DLG2: variants seen among roughly 807,000 people sequenced by gnomAD.
The protein encoded by DLG2 is disks large homolog 2.
In DLG2, 45 loss-of-function variants were observed where a neutral mutation model predicts 132.5. The observed-to-expected ratio is 0.34, with a 90% CI of 0.27 to 0.44. DLG2 has a LOEUF of 0.44. DLG2 is among the 20% of genes least tolerant of loss of function. The probability of loss-of-function intolerance (pLI) is 1.00; values close to 1 mark genes in which losing one functional copy is unlikely to be tolerated. For synonymous variants in DLG2, 424 were observed against 419.6 expected (o/e 1.01, Z -0.13); for missense variants, 1,045 against 1,196.9 (o/e 0.87, Z 1.87).
At chr11:84,128,832 G>GA (rs2094296019) in intron 9 of DLG2, among the ~76,000 whole-genome samples, 1 of 152,028 alleles carries the variant, frequency 6.6e-6, no homozygotes, top group South Asian at 2.1e-4. Context: ...CATTTAAGTT[G>GA]AAAAAACGTG....
chr11:84,185,397 C>T (rs1490534488), intron 8 of DLG2, among the ~76,000 whole-genome samples: 2 of 152,076 alleles, frequency 1.3e-5, no homozygotes, highest in Non-Finnish European at 2.9e-5. Context: ...TATAAGAATG[C>T]TTGTGATTTT....
At chr11:84,195,610 C>T (rs1296992126) in intron 8 of DLG2, among the ~76,000 whole-genome samples, 2 of 152,184 alleles carry the variant, frequency 1.3e-5, no homozygotes, top group Non-Finnish European at 2.9e-5. Flanking sequence ...TATATTAGTT[C>T]CTCAACAATT....
intron 17 of DLG2, among the ~76,000 whole-genome samples, chr11:83,822,184 A>T (rs1048591590): frequency 4.6e-5 from 7 of 152,158 alleles, no homozygotes; most frequent in African/African-American, 9.7e-5. Context: ...GATAATAGTA[A>T]TCAAACCATT....
chr11:83,779,471 G>C (rs1418780979), intron 18 of DLG2, among the ~76,000 whole-genome samples: 1 of 152,034 alleles, frequency 6.6e-6, no homozygotes, highest in Non-Finnish European at 1.5e-5. Context: ...CGAGAAAGTG[G>C]TGAGGCTCCC....
At chr11:84,379,198 A>C (rs1398995915) in intron 7 of DLG2, among the ~76,000 whole-genome samples, 3 of 152,130 alleles carry the variant, frequency 2.0e-5, no homozygotes, top group African/African-American at 7.2e-5. Flanking sequence ...GAGAATCAGC[A>C]AAAGAAAATA....
chr11:84,296,311 T>C (rs1457016882), intron 7 of DLG2, among the ~76,000 whole-genome samples: 1 of 152,194 alleles, frequency 6.6e-6, no homozygotes, highest in African/African-American at 2.4e-5. Flanking sequence ...TTTTGTTACT[T>C]GAAACTTAAT....
At chr11:84,043,801 C>T (rs890950767) in intron 11 of DLG2, among the ~76,000 whole-genome samples, 1 of 151,654 alleles carries the variant, frequency 6.6e-6, no homozygotes, top group African/African-American at 2.4e-5. Flanking sequence ...GTAACATATT[C>T]ATAAGTTCTG....
chr11:84,271,259 A>G (rs1214329378), intron 7 of DLG2, among the ~76,000 whole-genome samples: 1 of 152,208 alleles, frequency 6.6e-6, no homozygotes, highest in Non-Finnish European at 1.5e-5. Flanking sequence ...TTCTGAAAAG[A>G]TTTAGAGCAG....
intron 6 of DLG2, among the ~76,000 whole-genome samples, chr11:84,577,036 A>C (rs1265614369): frequency 6.6e-6 from 1 of 152,094 alleles, no homozygotes; most frequent in Non-Finnish European, 1.5e-5. Flanking sequence ...ATAGTGAGTA[A>C]AGTCTCAAGA....
intron 6 of DLG2, among the ~76,000 whole-genome samples, chr11:85,025,524 A>C (rs1259711793): frequency 6.6e-6 from 1 of 152,236 alleles, no homozygotes; most frequent in African/African-American, 2.4e-5. Flanking sequence ...GAAAGACACA[A>C]AAGATGTCAG....
chr11:85,585,921 T>C (rs2078938330), intron 3 of DLG2, among the ~76,000 whole-genome samples: 1 of 152,160 alleles, frequency 6.6e-6, no homozygotes, highest in Non-Finnish European at 1.5e-5. Context: ...GGTTTTGCCA[T>C]GTTGGCCAGG....
At chr11:84,538,331 T>C (rs534084641) in intron 6 of DLG2, among the ~76,000 whole-genome samples, 185 of 152,310 alleles carry the variant, frequency 1.2e-3, no homozygotes, top group African/African-American at 4.3e-3. Context: ...TGCTATTGTG[T>C]CCCCATCCAA....
intron 11 of DLG2, among the ~76,000 whole-genome samples, chr11:83,996,641 A>T (rs2094041812): frequency 6.6e-6 from 1 of 152,186 alleles, no homozygotes; most frequent in South Asian, 2.1e-4. Flanking sequence ...CAGCCACAAA[A>T]AGAATGAGAT....
In DLG2 at chr11:83,494,894, C is replaced by A. The variant is rs138599861; in HGVS notation, c.2194-10666G>T. ...TGAGATAGGCCACATGCAGCTAAAC[C>A]ACATGAAGAACTAGAATAGAAGATT... On this transcript the variant is annotated intron_variant, in intron 21 of 27. Transcript: ENST00000376104. Among the ~76,000 whole-genome samples the A allele has an allele frequency of 2.0e-3, 303 of 152,224 alleles. 2 individuals carry two copies. The highest frequency in any genetic ancestry group is 6.8e-3 in the African/African-American group (281 of 41,526).
At chr11:84,741,307 G>C (rs2064628613) in intron 6 of DLG2, among the ~76,000 whole-genome samples, 1 of 151,798 alleles carries the variant, frequency 6.6e-6, no homozygotes, top group Non-Finnish European at 1.5e-5. Context: ...GCCCGCCTCG[G>C]CCTCCCAAAG....
At chr11:83,469,498 A>G in intron 24 of DLG2, 125 bp from the exon 25 acceptor site, 3 of 693,680 alleles carry the variant, frequency 4.3e-6, no homozygotes, top group Non-Finnish European at 4.7e-6. Context: ...GAAATATGAC[A>G]TAGTAACAGG....
At chr11:84,510,341 C>T (rs116047623) in intron 7 of DLG2, among the ~76,000 whole-genome samples, 1,541 of 152,054 alleles carry the variant, frequency 0.01, 25 homozygotes, top group African/African-American at 0.036. Flanking sequence ...ATCATATTCA[C>T]CACATTTTAT....
chr11:84,493,316 T>G (rs2099170084), intron 7 of DLG2, among the ~76,000 whole-genome samples: 1 of 152,144 alleles, frequency 6.6e-6, no homozygotes, highest in Non-Finnish European at 1.5e-5. Flanking sequence ...GAAATTAGTT[T>G]TGCTAAGCAG....
At chr11:84,294,553 G>A (rs1054981130) in intron 7 of DLG2, among the ~76,000 whole-genome samples, 2 of 152,188 alleles carry the variant, frequency 1.3e-5, no homozygotes, top group Non-Finnish European at 2.9e-5. Context: ...AGCCGAGATC[G>A]CGGCACTGCA....
Sources: gnomAD v4.1 joint callset for allele counts (sites outside exome capture counted in the v4.1 genomes callset) on GRCh38, gnomAD v4.1.1 for gene constraint, MANE v1.5 for transcripts, NCBI Gene and HGNC (gene_info 2026-07-23, HGNC 2026-07-21) for gene names.